FMN1: variants seen among roughly 807,000 people sequenced by gnomAD.
FMN1 encodes the protein formin 1.
A neutral mutation model predicts 132.4 loss-of-function variants in FMN1; 110 were observed. The observed-to-expected ratio is 0.83, with a 90% confidence interval of 0.71 to 0.97. FMN1 has a LOEUF of 0.97. Among genes scored for constraint, FMN1 ranks in the 50% least tolerant of loss-of-function variants. The probability of loss-of-function intolerance (pLI) is 0.00; values close to 1 mark genes in which losing one functional copy is unlikely to be tolerated. For missense variants in FMN1, 1,792 were observed against 1,705.3 expected (o/e 1.05, Z -0.90); for synonymous variants, 722 against 651.7 (o/e 1.11, Z -1.64).
chr15:32,843,115 G>A (rs1216750282), intron 17 of FMN1, among the ~76,000 whole-genome samples: 2 of 142,282 alleles, frequency 1.4e-5, no homozygotes, highest in Non-Finnish European at 3.0e-5. Context: ...CAACAAGAGC[G>A]AAACTCTGTC....
intron 4 of FMN1, among the ~76,000 whole-genome samples, chr15:33,144,324 T>G (rs1366116663): frequency 6.6e-6 from 1 of 152,156 alleles, no homozygotes; most frequent in East Asian, 1.9e-4. Flanking sequence ...AGTTTTTTTA[T>G]TAATGCAAAT....
At chr15:32,958,804 G>A (rs2030150792) in intron 9 of FMN1, among the ~76,000 whole-genome samples, 2 of 152,118 alleles carry the variant, frequency 1.3e-5, no homozygotes, top group Non-Finnish European at 2.9e-5. Flanking sequence ...CACTTTGGGA[G>A]GCCAAGGCAG....
At chr15:33,068,430 G>A (rs1329097967) in intron 5 of FMN1, among the ~76,000 whole-genome samples, 4 of 152,178 alleles carry the variant, frequency 2.6e-5, no homozygotes, top group Non-Finnish European at 5.9e-5. Flanking sequence ...GAAAACAACT[G>A]AAATACTTCT....
chr15:33,029,868 T>C (rs1386667649), intron 6 of FMN1, among the ~76,000 whole-genome samples: 1 of 152,084 alleles, frequency 6.6e-6, no homozygotes, highest in African/African-American at 2.4e-5. Flanking sequence ...ATAATTTATC[T>C]TTTCAAAGGC....
intron 6 of FMN1, among the ~76,000 whole-genome samples, chr15:33,054,304 C>T (rs772312153): frequency 6.6e-6 from 1 of 152,142 alleles, no homozygotes; most frequent in Non-Finnish European, 1.5e-5. Flanking sequence ...GCTTACACTC[C>T]ACCATCTCAC....
chr15:32,988,443 C>G (rs2033221787), intron 7 of FMN1, among the ~76,000 whole-genome samples: 2 of 152,168 alleles, frequency 1.3e-5, no homozygotes, highest in Admixed American at 6.5e-5. Context: ...AGATTCTGCT[C>G]TTAAATATGC....
chr15:33,058,084 A>ATGGGGCTGGTGGTGGAAAGGTGTGG (rs1566875262), intron 6 of FMN1, among the ~76,000 whole-genome samples: 1 of 109,204 alleles, frequency 9.2e-6, no homozygotes, highest in African/African-American at 2.7e-5. Flanking sequence ...GAAAGGTGTG[A>ATGGGGCTGGTGGTGGAAAGGTGTGG]TGGGGGTGCT....
intron 6 of FMN1, among the ~76,000 whole-genome samples, chr15:33,036,342 T>C (rs1301318339): frequency 6.6e-6 from 1 of 152,236 alleles, no homozygotes; most frequent in Non-Finnish European, 1.5e-5. Context: ...GAGTGCCTAC[T>C]ATATGACATA....
intron 15 of FMN1, among the ~76,000 whole-genome samples, chr15:32,892,821 CTTCTAGGTTTTCTAGT>C: frequency 6.6e-6 from 1 of 152,260 alleles, no homozygotes; most frequent in Admixed American, 6.5e-5. Context: ...TTATCCATCT[CTTCTAGGTTTTCTAGT>C]TTATGTATCA....
chr15:32,798,342 T>C lies in FMN1; in HGVS notation c.4130+462A>G, dbSNP rs1301058936. Among the ~76,000 whole-genome samples, 12 of 152,286 alleles carry C rather than the reference T, an allele frequency of 7.9e-5. No individual in the cohort carries two copies. The East Asian group carries it at 2.3e-3, about 29-fold the overall frequency. On this transcript the variant is annotated intron_variant, in intron 19 of 20. Transcript: ENST00000616417. ...GGATACAGGGAGTCAGAAGTGGCGC[T>C]GTAAATCCAATGCGGGGCTTCCACG...
chr15:32,816,578 A>T (rs1054372369), intron 17 of FMN1, among the ~76,000 whole-genome samples: 3 of 152,178 alleles, frequency 2.0e-5, no homozygotes, highest in Admixed American at 1.3e-4. Context: ...TTTGAAAGCG[A>T]GTGACCTGCC....
intron 17 of FMN1, among the ~76,000 whole-genome samples, chr15:32,805,881 G>A (rs1020997155): frequency 6.6e-6 from 1 of 152,152 alleles, no homozygotes; most frequent in Non-Finnish European, 1.5e-5. Context: ...TTTTCATAAG[G>A]TTACTAAGAA....
chr15:32,977,223 G>C (rs1283266085), intron 7 of FMN1, among the ~76,000 whole-genome samples: 1 of 152,138 alleles, frequency 6.6e-6, no homozygotes, highest in Non-Finnish European at 1.5e-5. Flanking sequence ...TGAAGAAAGA[G>C]AAGCAATGAG....
At chr15:32,816,734 GAAAT>G (rs78397161) in intron 17 of FMN1, among the ~76,000 whole-genome samples, 21,703 of 152,136 alleles carry the variant, frequency 0.14, 1,873 homozygotes, top group East Asian at 0.45. Context: ...GAACAATAGA[GAAAT>G]AAGTCGTAAC....
At position 32,818,072 on chromosome 15, in the gene FMN1, G is replaced by C. The variant is rs1595998605; in HGVS notation, c.3929-13740C>G. ...AAGCAGTGCATAAGACTTTCTCTGA[G>C]CAATGGCCACTATTAATATGCTGAT... is the stretch of plus-strand genomic sequence containing the variant. On this transcript the variant is annotated intron_variant, in intron 17 of 20. Transcript: ENST00000616417. 2.6e-5 allele frequency among the ~76,000 whole-genome samples: 4 copies of C among 152,072 alleles called. No homozygotes were observed. In the East Asian group the frequency reaches 7.7e-4, roughly 29 times the overall value.
chr15:32,994,809 T>C (rs1325434852), intron 7 of FMN1, among the ~76,000 whole-genome samples: 2 of 152,192 alleles, frequency 1.3e-5, no homozygotes, highest in Admixed American at 6.5e-5. Context: ...AATGTACCTA[T>C]TTACAGCCAT....
chr15:33,059,223 C>T (rs373600634), intron 6 of FMN1, among the ~76,000 whole-genome samples: 1 of 152,090 alleles, frequency 6.6e-6, no homozygotes, highest in African/African-American at 2.4e-5. Context: ...TGAGAGAATT[C>T]CCCCCACCCT....
At chr15:32,819,140 A>G (rs1273947426) in intron 17 of FMN1, among the ~76,000 whole-genome samples, 4 of 152,194 alleles carry the variant, frequency 2.6e-5, no homozygotes, top group Non-Finnish European at 1.5e-5. Flanking sequence ...ACTGAGGCTG[A>G]GCTCTGCCTC....
chr15:32,872,075 G>A (rs546138622), intron 16 of FMN1, among the ~76,000 whole-genome samples: 28 of 151,136 alleles, frequency 1.9e-4, no homozygotes, highest in Admixed American at 4.0e-4. Flanking sequence ...AATGTGTCAC[G>A]TTTAATTGGA....
Sources: gnomAD v4.1 joint callset for allele counts (sites outside exome capture counted in the v4.1 genomes callset) on GRCh38, gnomAD v4.1.1 for gene constraint, MANE v1.5 for transcripts, NCBI Gene and HGNC (gene_info 2026-07-23, HGNC 2026-07-21) for gene names.